Variants in STIM1 observed in about 807,000 individuals in gnomAD.
The protein encoded by STIM1 is stromal interaction molecule 1.
A neutral mutation model predicts 74.7 loss-of-function variants in STIM1; 25 were observed. That is an observed-to-expected ratio of 0.33 (90% CI 0.24 to 0.47). The LOEUF (loss-of-function observed/expected upper bound fraction) is 0.47. Ranked by LOEUF, STIM1 falls within the 20% of genes least tolerant of loss-of-function variation. The pLI, the probability that STIM1 is intolerant of heterozygous loss-of-function variation, is 1.00. For missense variants in STIM1, 728 were observed against 920.8 expected, an observed-to-expected ratio of 0.79 and a Z score of 2.71; for synonymous variants, 328 against 348.8, an observed-to-expected ratio of 0.94 and a Z score of 0.66.
chr11:4,082,605 A>T (rs2094471170), intron 8 of STIM1, among the ~76,000 whole-genome samples: 2 of 152,138 alleles, frequency 1.3e-5, no homozygotes, highest in South Asian at 4.1e-4. Context: ...GCAGAGGGAA[A>T]GCTCTGCCAG....
intron 1 of STIM1, among the ~76,000 whole-genome samples, chr11:3,889,332 G>A (rs1052285987): frequency 4.0e-5 from 6 of 151,616 alleles, no homozygotes; most frequent in Admixed American, 4.0e-4. Flanking sequence ...CCTACTATGT[G>A]CCAAGTACTG....
intron 2 of STIM1, among the ~76,000 whole-genome samples, chr11:4,023,549 TA>T (rs1206983752): frequency 6.6e-6 from 1 of 152,264 alleles, no homozygotes; most frequent in African/African-American, 2.4e-5. Context: ...TCAAACATTT[TA>T]AATTCTTCCT....
chr11:4,087,609 G>C (rs1590700914), intron 12 of STIM1, among the ~76,000 whole-genome samples: 1 of 151,984 alleles, frequency 6.6e-6, no homozygotes, highest in Non-Finnish European at 1.5e-5. Flanking sequence ...ACTACAAAAG[G>C]GTTTCTAAGA....
At chr11:3,980,731 A>G (rs2093495755) in intron 2 of STIM1, among the ~76,000 whole-genome samples, 4 of 152,076 alleles carry the variant, frequency 2.6e-5, no homozygotes, top group Admixed American at 1.3e-4. Context: ...TTTGTCCACC[A>G]AGGCCTAGAT....
At chr11:3,991,658 A>G (rs965381101) in intron 2 of STIM1, among the ~76,000 whole-genome samples, 1 of 151,804 alleles carries the variant, frequency 6.6e-6, no homozygotes, top group African/African-American at 2.4e-5. Flanking sequence ...GAAATCTCCA[A>G]ACTGCTGTGG....
At position 4,019,721 on chromosome 11, in the gene STIM1, C is replaced by T. The variant is rs565615165; in HGVS notation, c.271-4152C>T. 5.3e-5 allele frequency among the ~76,000 whole-genome samples: 8 copies of T among 152,272 alleles called. No individual in the cohort carries two copies. In the South Asian group the frequency reaches 1.5e-3, roughly 28 times the overall value. On this transcript the variant is annotated intron_variant, in intron 2 of 12. Coordinates refer to ENST00000526596, the MANE Select transcript of STIM1 (RefSeq NM_001382567.1). ...AGTGTGATGTTTTGATACATGTATACAATGTATAATGATCAAATTAGGGGG... is the reference window on the plus strand; with the variant it reads ...AGTGTGATGTTTTGATACATGTATATAATGTATAATGATCAAATTAGGGGG...
intron 2 of STIM1, among the ~76,000 whole-genome samples, chr11:3,991,950 C>CAAA (rs1230185435): frequency 2.5e-4 from 9 of 36,664 alleles, no homozygotes; most frequent in African/African-American, 6.8e-4. Flanking sequence ...AACTCCATCT[C>CAAA]AAAAAAAAAA....
chr11:4,090,556 G>C (rs1356708946), intron 12 of STIM1, among the ~76,000 whole-genome samples: 4 of 152,218 alleles, frequency 2.6e-5, no homozygotes, highest in Admixed American at 6.5e-5. Flanking sequence ...TTGCAAGGCT[G>C]TTCTAACCTT....
At position 3,873,341 on chromosome 11, in the gene STIM1, C is replaced by A. The variant is rs576493405; in HGVS notation, c.139+16932C>A. 2.6e-5 allele frequency among the ~76,000 whole-genome samples: 4 copies of A among 151,436 alleles called. No individual in the cohort carries two copies. The East Asian group carries it at 7.7e-4, about 29-fold the overall frequency. On this transcript the variant is annotated intron_variant, in intron 1 of 12. Coordinates refer to ENST00000526596, the MANE Select transcript of STIM1 (RefSeq NM_001382567.1). ...GCTGAGGCAGGAGAATCGCTTGAAC[C>A]CGGGAGGCGTAGGTTGCAGTGAGCC...
chr11:4,049,407 C>T (rs2094220308), intron 3 of STIM1: 1 of 151,440 alleles, frequency 6.6e-6, no homozygotes, highest in Non-Finnish European at 1.5e-5. Context: ...TTATTGCAAC[C>T]TCGACCTCCG....
Position 3,973,396 on chromosome 11 carries a change from G to C in STIM1, c.270+5714G>C, listed in dbSNP as rs1183919614. The C allele has an allele frequency of 7.7e-6, 3 of 388,616 alleles. No homozygotes were observed. In the Admixed American group the frequency reaches 8.4e-5, roughly 11 times the overall value. 24.1% of individuals were successfully genotyped at this position (388,616 alleles called of 1,614,324 possible). ...TCATAGTTGTGGCCATTCACAGTAT[G>C]GTATTTCTTTTTTTTTCTCTCGAGA... is the stretch of plus-strand genomic sequence containing the variant. On this transcript the variant is annotated intron_variant, in intron 2 of 12. Coordinates refer to ENST00000526596, the MANE Select transcript of STIM1 (RefSeq NM_001382567.1).
chr11:4,053,909 A>G (rs2094266351), intron 3 of STIM1, among the ~76,000 whole-genome samples: 1 of 152,152 alleles, frequency 6.6e-6, no homozygotes, highest in Non-Finnish European at 1.5e-5. Flanking sequence ...TGCCCGGCCT[A>G]TATTAGATTA....
intron 1 of STIM1, among the ~76,000 whole-genome samples, chr11:3,924,388 C>T (rs986818502): frequency 1.3e-5 from 2 of 151,804 alleles, no homozygotes; most frequent in Non-Finnish European, 2.9e-5. Flanking sequence ...TTAGCAGAGG[C>T]GGGGTTTCAC....
At chr11:3,980,028 A>G (rs929636851) in intron 2 of STIM1, among the ~76,000 whole-genome samples, 3 of 152,178 alleles carry the variant, frequency 2.0e-5, no homozygotes, top group Non-Finnish European at 4.4e-5. Flanking sequence ...CATAGTCTCT[A>G]TCGCTCGATT....
intron 1 of STIM1, among the ~76,000 whole-genome samples, chr11:3,873,949 A>G (rs974359370): frequency 6.6e-6 from 1 of 152,154 alleles, no homozygotes; most frequent in Admixed American, 6.6e-5. Flanking sequence ...CTGTGGTTAT[A>G]GTCTTTTAAG....
intron 1 of STIM1, among the ~76,000 whole-genome samples, chr11:3,920,122 T>C (rs2092699338): frequency 1.7e-5 from 1 of 57,378 alleles, no homozygotes; most frequent in African/African-American, 4.3e-5. Flanking sequence ...TATTTTGAAG[T>C]GTACAATTTT....
chr11:3,984,024 G>A (rs538786618), intron 2 of STIM1, among the ~76,000 whole-genome samples: 1 of 152,124 alleles, frequency 6.6e-6, no homozygotes, highest in South Asian at 2.1e-4. Flanking sequence ...ATGCCAGCAT[G>A]CCCGGCTAAT....
chr11:4,002,822 A>G (rs2093733158), intron 2 of STIM1, among the ~76,000 whole-genome samples: 1 of 147,884 alleles, frequency 6.8e-6, no homozygotes, highest in African/African-American at 2.5e-5. Context: ...AAGGATCAAC[A>G]AAATTGATAG....
intron 12 of STIM1, chr11:4,086,954 T>C (rs1354529665): frequency 6.9e-7 from 1 of 1,452,826 alleles, no homozygotes; most frequent in East Asian, 2.5e-5. Context: ...TGATCAACTC[T>C]GGGGGTGTGT....
Sources: allele counts gnomAD v4.1 joint callset (sites outside exome capture counted in the v4.1 genomes callset), GRCh38; gene constraint gnomAD v4.1.1; transcripts MANE v1.5; gene names NCBI Gene and HGNC (gene_info 2026-07-23, HGNC 2026-07-21).